TBL1Y: variants seen among roughly 807,000 people sequenced by gnomAD.
TBL1Y encodes the protein F-box-like/WD repeat-containing protein TBL1Y.
A neutral mutation model predicts 12.0 loss-of-function variants in TBL1Y; 15 were observed. The observed-to-expected ratio is 1.25, with a 90% CI of 0.83 to 1.92. The LOEUF (loss-of-function observed/expected upper bound fraction) is 1.92. TBL1Y is among the 40% of genes most tolerant of loss of function. TBL1Y has a pLI of 0.00. For synonymous variants in TBL1Y, 53 were observed against 42.6 expected (o/e 1.24, Z -0.95); for missense variants, 148 against 116.7 (o/e 1.27, Z -1.24).
At position 6,965,377 on chromosome Y, in the gene TBL1Y, C is replaced by T. The variant is rs1603031281; in HGVS notation, c.-265-12836C>T. Among the ~76,000 whole-genome samples the T allele has an allele frequency of 2.1e-4, 7 of 32,784 alleles. No homozygotes were observed. In the East Asian group the frequency reaches 5.6e-3, roughly 26 times the overall value. 88.0% of individuals were successfully genotyped at this position (32,784 alleles called of 37,273 possible). ...TTCCTTCCTTGAACTCTGCTCCTGC[C>T]TCTTCTTCACAATCTATTACACAGC... On this transcript the variant is annotated intron_variant, in intron 2 of 18. Coordinates refer to ENST00000383032, the MANE Select transcript of TBL1Y (RefSeq NM_033284.2).
At chrY:7,085,838 C>A in intron 14 of TBL1Y, 60 bp from the exon 15 acceptor site, 1 of 350,564 alleles carries the variant, frequency 2.9e-6, no homozygotes, top group South Asian at 3.2e-5. Context: ...TGCTGGAAGG[C>A]GACCTCATCT....
chrY:7,037,979 A>G, intron 6 of TBL1Y, among the ~76,000 whole-genome samples: 2 of 33,918 alleles, frequency 5.9e-5, no homozygotes, highest in African/African-American at 2.3e-4. Flanking sequence ...GTGACTAGTA[A>G]TTTAGCAGAT....
At chrY:6,992,034 C>G (rs2012369687) in intron 3 of TBL1Y, among the ~76,000 whole-genome samples, 1 of 34,025 alleles carries the variant, frequency 2.9e-5, no homozygotes, top group Non-Finnish European at 7.3e-5. Flanking sequence ...GGCATCACCT[C>G]TCTCTGCCCA....
At chrY:6,917,285 A>G (rs963536864) in intron 2 of TBL1Y, among the ~76,000 whole-genome samples, 15 of 33,985 alleles carry the variant, frequency 4.4e-4, no homozygotes, top group Admixed American at 3.5e-3. Flanking sequence ...TGTGCTTCTT[A>G]TGAGAGCCTA....
rs553685787 is a variant in TBL1Y, at chrY:7,061,765, C to T, written c.205-2132C>T. Among the ~76,000 whole-genome samples the T allele has an allele frequency of 2.2e-4, 7 of 31,738 alleles. No homozygotes were observed. In the South Asian group the frequency reaches 3.7e-3, roughly 17 times the overall value. The allele number at this position is 31,738 out of a possible 37,273, so 85.2% of individuals were successfully genotyped here. ...TTCAATTTGGTCTGCCACTCCATAACGGTCATCTAGTAGCAGTTTAAGCCC... is the reference window on the plus strand; with the variant it reads ...TTCAATTTGGTCTGCCACTCCATAATGGTCATCTAGTAGCAGTTTAAGCCC... On this transcript the variant is annotated intron_variant, in intron 7 of 18. Coordinates refer to ENST00000383032, the MANE Select transcript of TBL1Y (RefSeq NM_033284.2).
chrY:7,084,145 T>C (rs754024657), intron 14 of TBL1Y, among the ~76,000 whole-genome samples: 33 of 33,350 alleles, frequency 9.9e-4, no homozygotes, highest in African/African-American at 3.5e-3. Context: ...AGTGTGAAAT[T>C]AGTTAATGCC....
chrY:7,077,887 C>T, intron 13 of TBL1Y, among the ~76,000 whole-genome samples: 4 of 33,735 alleles, frequency 1.2e-4, no homozygotes, highest in African/African-American at 2.3e-4. Flanking sequence ...GAAATGCACA[C>T]AGCTGGACAC....
chrY:7,025,158 T>G lies in TBL1Y; in HGVS notation c.58+16T>G. ...CAGGAGTCAGGTAAGAGGCTTGGTT[T>G]TCTGTTGGGAGGAAATTCATCCTGA... On this transcript the variant is annotated intron_variant, in intron 6 of 18. Coordinates refer to ENST00000383032, the MANE Select transcript of TBL1Y (RefSeq NM_033284.2). The G allele has an allele frequency of 1.3e-5, 5 of 389,169 alleles. No individual in the cohort carries two copies. Among genetic ancestry groups the G allele is most frequent in the Non-Finnish European group, 1.8e-5 (5 of 277,339 alleles).
At chrY:6,957,579 G>T (rs2012077504) in intron 2 of TBL1Y, among the ~76,000 whole-genome samples, 1 of 33,999 alleles carries the variant, frequency 2.9e-5, no homozygotes, top group Non-Finnish European at 7.3e-5. Context: ...TGAGTAACTG[G>T]AGCAGCACTT....
intron 7 of TBL1Y, 26 bp downstream of exon 7, chrY:7,043,151 C>A (rs1244954866): frequency 2.5e-6 from 1 of 396,974 alleles, no homozygotes. Context: ...GCCTGGCCCC[C>A]AAACAGCAGA....
intron 2 of TBL1Y, among the ~76,000 whole-genome samples, chrY:6,926,821 T>A (rs2011829698): frequency 3.0e-5 from 1 of 33,569 alleles, no homozygotes; most frequent in Non-Finnish European, 7.4e-5. Flanking sequence ...AAGGTTGGTC[T>A]TGATCTCCTG....
chrY:7,065,910 G>C (rs2012978660), intron 8 of TBL1Y, among the ~76,000 whole-genome samples: 2 of 33,928 alleles, frequency 5.9e-5, no homozygotes, highest in Admixed American at 5.3e-4. Context: ...CCTTGAATTG[G>C]CTGCATCCCC....
intron 4 of TBL1Y, among the ~76,000 whole-genome samples, chrY:7,001,053 G>T (rs2012446388): frequency 3.0e-5 from 1 of 32,896 alleles, no homozygotes; most frequent in South Asian, 7.0e-4. Context: ...CCAGGTGTTG[G>T]CATGGTCATC....
intron 2 of TBL1Y, among the ~76,000 whole-genome samples, chrY:6,921,409 G>A (rs2011776969): frequency 3.0e-5 from 1 of 33,185 alleles, no homozygotes; most frequent in Non-Finnish European, 7.4e-5. Flanking sequence ...TGCTGAGTTC[G>A]TCACAATCCT....
chrY:6,964,291 G>C (rs2124118691), intron 2 of TBL1Y, among the ~76,000 whole-genome samples: 4 of 33,718 alleles, frequency 1.2e-4, no homozygotes, highest in Admixed American at 8.2e-4. Context: ...AACTTTTCAG[G>C]CATTATTATC....
intron 8 of TBL1Y, among the ~76,000 whole-genome samples, chrY:7,065,337 A>G (rs2012972967): frequency 3.0e-5 from 1 of 33,446 alleles, no homozygotes; most frequent in Non-Finnish European, 7.4e-5. Flanking sequence ...GCCACCATGT[A>G]AGGCATAACT....
chrY:6,955,076 C>T, intron 2 of TBL1Y, among the ~76,000 whole-genome samples: 1 of 33,541 alleles, frequency 3.0e-5, no homozygotes, highest in Non-Finnish European at 7.4e-5. Flanking sequence ...ATTATCTACA[C>T]AAAACATTAA....
intron 16 of TBL1Y, 132 bp downstream of exon 16, chrY:7,086,549 C>A: frequency 6.3e-6 from 1 of 159,748 alleles, no homozygotes; most frequent in Non-Finnish European, 1.1e-5. Flanking sequence ...TTTGAAGGGG[C>A]CAAAACCATC....
In TBL1Y at chrY:7,063,935, G is replaced by C; in HGVS notation, c.243G>C (p.Leu81=). ...TVFDSRPIES[L]SLIVAVIPDV... Reference sequence around the variant, plus strand: ...TCGACAGCCGCCCTATAGAGTCCCTGTCCCTGATAGTTGCTGTGATTCCTG... The same window carrying C: ...TCGACAGCCGCCCTATAGAGTCCCTCTCCCTGATAGTTGCTGTGATTCCTG... The change falls in exon 8 of 19, where the codon CTG becomes CTC. Residue 81 remains leucine, a synonymous_variant. Transcript: ENST00000383032. 1 of 398,094 alleles carries C rather than the reference G, an allele frequency of 2.5e-6. No homozygotes were observed.
Sources: gnomAD v4.1 joint callset for allele counts (sites outside exome capture counted in the v4.1 genomes callset) on GRCh38, gnomAD v4.1.1 for gene constraint, MANE v1.5 for transcripts, NCBI Gene and HGNC (gene_info 2026-07-23, HGNC 2026-07-21) for gene names.